ADGB: variants seen among roughly 807,000 people sequenced by gnomAD.
ADGB encodes calpain-7-like protein.
A neutral mutation model predicts 210.5 loss-of-function variants in ADGB; 172 were observed. The observed-to-expected ratio is 0.82, with a 90% CI of 0.72 to 0.93. ADGB has a LOEUF of 0.93. ADGB is among the 40% of genes least tolerant of loss of function. The probability of loss-of-function intolerance (pLI) is 0.00; values close to 1 mark genes in which losing one functional copy is unlikely to be tolerated. For synonymous variants in ADGB, 658 were observed against 662.7 expected (o/e 0.99, Z 0.11); for missense variants, 2,025 against 1,964.8 (o/e 1.03, Z -0.58).
chr6:146,641,899 A>G (rs1775521398), intron 2 of ADGB, among the ~76,000 whole-genome samples: 1 of 152,124 alleles, frequency 6.6e-6, no homozygotes, highest in African/African-American at 2.4e-5. Flanking sequence ...GCAAAAATTG[A>G]CAAGTGGATC....
At chr6:146,758,850 G>A (rs1264911227) in intron 27 of ADGB, among the ~76,000 whole-genome samples, 1 of 151,756 alleles carries the variant, frequency 6.6e-6, no homozygotes, top group Admixed American at 6.6e-5. Flanking sequence ...ATTTATTCAT[G>A]ACCTCTTTTA....
intron 18 of ADGB, chr6:146,725,864 T>A: frequency 5.0e-6 from 2 of 404,024 alleles, no homozygotes; most frequent in Non-Finnish European, 9.0e-6. Context: ...TTAGCCTAAC[T>A]ATTTTTGTCC....
intron 1 of ADGB, among the ~76,000 whole-genome samples, chr6:146,616,115 G>A (rs1230009455): frequency 6.6e-6 from 1 of 152,084 alleles, no homozygotes; most frequent in African/African-American, 2.4e-5. Flanking sequence ...TTTTAACTGA[G>A]GGTGTAATGG....
At chr6:146,769,564 T>A (rs1777624229) in intron 29 of ADGB, among the ~76,000 whole-genome samples, 1 of 152,176 alleles carries the variant, frequency 6.6e-6, no homozygotes, top group Non-Finnish European at 1.5e-5. Flanking sequence ...AGTACTCTGG[T>A]TTATTTTTTC....
At chr6:146,665,350 C>T (rs970604825) in intron 6 of ADGB, among the ~76,000 whole-genome samples, 3 of 152,084 alleles carry the variant, frequency 2.0e-5, no homozygotes, top group Non-Finnish European at 1.5e-5. Flanking sequence ...TCCTTACCAG[C>T]CCTCAGTTTT....
At chr6:146,627,844 G>A (rs775898709) in intron 1 of ADGB, among the ~76,000 whole-genome samples, 57 of 152,024 alleles carry the variant, frequency 3.7e-4, no homozygotes, top group Non-Finnish European at 5.7e-4. Context: ...GCTGGGATTT[G>A]CCTGTGTTAC....
intron 27 of ADGB, 68 bp from the exon 28 acceptor site, chr6:146,763,833 C>G: frequency 7.6e-7 from 1 of 1,320,588 alleles, no homozygotes; most frequent in Non-Finnish European, 1.0e-6. Context: ...AGGAATGTAA[C>G]TGATTTAGTC....
chr6:146,649,335 A>G (rs542818199), intron 3 of ADGB, among the ~76,000 whole-genome samples: 19 of 152,174 alleles, frequency 1.2e-4, no homozygotes, highest in Non-Finnish European at 2.5e-4. Flanking sequence ...AAGTCACACA[A>G]AGATTATTTT....
chr6:146,625,712 A>C (rs528751423), intron 1 of ADGB, among the ~76,000 whole-genome samples: 1 of 152,198 alleles, frequency 6.6e-6, no homozygotes, highest in East Asian at 1.9e-4. Flanking sequence ...TAAAGCTTCC[A>C]GAAGCCAAAC....
intron 28 of ADGB, among the ~76,000 whole-genome samples, chr6:146,767,214 C>T (rs1482130136): frequency 1.3e-5 from 2 of 152,040 alleles, no homozygotes; most frequent in Non-Finnish European, 2.9e-5. Flanking sequence ...TGATACTGAA[C>T]TATTATGATA....
Position 146,733,252 on chromosome 6 carries a change from T to G in ADGB, c.2653T>G (p.Leu885Val). ...CAATTCCTCCTTGGAAGAGGTTTCT[T>G]TAGGTACCCATGAATTGTATATATT... is the stretch of plus-strand genomic sequence containing the variant. ...LLNSSLEEVS[L>V]VEWLDVKYCM... The change falls in exon 21 of 36, where the codon TTA (leucine) becomes GTA (valine). Residue 885 changes from leucine (L) to valine (V), a missense_variant. Coordinates refer to ENST00000397944, the MANE Select transcript of ADGB (RefSeq NM_024694.4). The G allele has an allele frequency of 6.6e-7, 1 of 1,515,928 alleles. No individual in the cohort carries two copies. Among genetic ancestry groups the G allele is most frequent in the Non-Finnish European group, 8.8e-7 (1 of 1,134,528 alleles). 93.9% of individuals were successfully genotyped at this position (1,515,928 alleles called of 1,614,324 possible).
At chr6:146,756,248 G>A (rs1777404682) in intron 27 of ADGB, among the ~76,000 whole-genome samples, 1 of 152,104 alleles carries the variant, frequency 6.6e-6, no homozygotes, top group African/African-American at 2.4e-5. Flanking sequence ...TAACTTGACT[G>A]GAGGCACTCA....
chr6:146,813,187 T>G (rs1389655806), intron 35 of ADGB, among the ~76,000 whole-genome samples: 1 of 152,200 alleles, frequency 6.6e-6, no homozygotes, highest in Non-Finnish European at 1.5e-5. Context: ...TTTTTTCTCT[T>G]GCGGTAATCT....
chr6:146,704,006 C>G (rs1358664633), intron 13 of ADGB, among the ~76,000 whole-genome samples: 3 of 151,906 alleles, frequency 2.0e-5, no homozygotes, highest in Non-Finnish European at 2.9e-5. Flanking sequence ...GCCATTTTAA[C>G]AGGTGTGAAG....
At chr6:146,724,841 G>A (rs1030541284) in intron 18 of ADGB, 1 of 151,898 alleles carries the variant, frequency 6.6e-6, no homozygotes, top group African/African-American at 2.4e-5. Flanking sequence ...AAACACATTA[G>A]TTTCAATTTT....
At chr6:146,618,863 C>T (rs907875291) in intron 1 of ADGB, among the ~76,000 whole-genome samples, 2 of 151,958 alleles carry the variant, frequency 1.3e-5, no homozygotes, top group Non-Finnish European at 2.9e-5. Context: ...TCTGTTAGGG[C>T]TCTTTCATCT....
chr6:146,652,618 T>G (rs1215086726), intron 3 of ADGB, among the ~76,000 whole-genome samples: 1 of 152,140 alleles, frequency 6.6e-6, no homozygotes, highest in African/African-American at 2.4e-5. Context: ...TTTTATATTA[T>G]TATTATTTAT....
intron 19 of ADGB, among the ~76,000 whole-genome samples, chr6:146,727,248 C>T (rs1009617788): frequency 2.0e-5 from 3 of 148,092 alleles, no homozygotes; most frequent in Admixed American, 1.4e-4. Flanking sequence ...CAGCAAATTT[C>T]GTGGCAAGCA....
At chr6:146,701,359 T>C (rs1421365594) in intron 13 of ADGB, among the ~76,000 whole-genome samples, 2 of 152,218 alleles carry the variant, frequency 1.3e-5, no homozygotes, top group African/African-American at 2.4e-5. Context: ...TAATGTAACA[T>C]CTTGTTTGTG....
Sources: gnomAD v4.1 joint callset for allele counts (sites outside exome capture counted in the v4.1 genomes callset) on GRCh38, gnomAD v4.1.1 for gene constraint, MANE v1.5 for transcripts, NCBI Gene and HGNC (gene_info 2026-07-23, HGNC 2026-07-21) for gene names.